Variants in SETX observed in about 807,000 individuals in gnomAD.
SETX encodes senataxin.
SETX carries 90 observed loss-of-function variants against 227.2 expected under a neutral mutation model. That is an observed-to-expected ratio of 0.40 (90% CI 0.33 to 0.47). The LOEUF is 0.47. Ranked by LOEUF, SETX falls within the 20% of genes least tolerant of loss-of-function variation. SETX has a pLI of 0.91. For missense variants in SETX, 3,052 were observed against 3,181.5 expected, an observed-to-expected ratio of 0.96 and a Z score of 0.98; for synonymous variants, 1,210 against 1,113.2, an observed-to-expected ratio of 1.09 and a Z score of -1.73.
upstream of SETX, among the ~76,000 whole-genome samples, chr9:132,355,658 A>G (rs140110981): frequency 1.8e-3 from 278 of 151,720 alleles, 3 homozygotes; most frequent in Admixed American, 0.013. Flanking sequence ...TGTGCAACAT[A>G]GCGAGACACC....
Position 132,327,370 on chromosome 9 carries a change from T to C in SETX, c.4228A>G (p.Arg1410Gly), listed in dbSNP as rs1475831818. 4 of 1,614,268 alleles carry C rather than the reference T, an allele frequency of 2.5e-6. No homozygotes were observed. In the African/African-American group the frequency reaches 4.0e-5, roughly 16 times the overall value. The stretch of plus-strand genomic sequence containing the variant: ...GGCATGCATTTTATTAACTGTTTTC[T>C]GTTACTGTTGGCAAGTACCTCAGTT... ...GGTEVLANSN[R>G]KQLIKCMPSE... Residue 1410 changes from arginine (R) to glycine (G), a missense_variant, in exon 10 of 26, where the codon AGA (arginine) becomes GGA (glycine). Arg to Gly is a moderately radical substitution (Grantham distance 125). Transcript: ENST00000224140.
Position 132,354,957 on chromosome 9 carries a change from C to CG in SETX, c.-156dup, listed in dbSNP as rs1848831790. 1 of 152,268 alleles carries CG rather than the reference C, an allele frequency of 6.6e-6. No individual in the cohort carries two copies. Among genetic ancestry groups the CG allele is most frequent in the African/African-American group, 2.4e-5 (1 of 41,464 alleles). 9.4% of individuals were successfully genotyped at this position (152,268 alleles called of 1,614,324 possible). On this transcript the variant is annotated 5_prime_UTR_variant, in exon 1 of 26. Transcript: ENST00000224140. ...GTCGGCCTCTAGCCCACCTCCATAC[C>CG]GGGCCCCGCTCTAGGCCACCAGCGG...
intron 11 of SETX, among the ~76,000 whole-genome samples, chr9:132,303,465 G>GT (rs768753007): frequency 2.0e-5 from 3 of 150,222 alleles, no homozygotes; most frequent in Non-Finnish European, 4.4e-5. Context: ...GGAGAAAACT[G>GT]TGACCGTGGG....
At chr9:132,321,020 C>T (rs1252659657) in intron 10 of SETX, among the ~76,000 whole-genome samples, 2 of 151,832 alleles carry the variant, frequency 1.3e-5, no homozygotes, top group African/African-American at 2.4e-5. Context: ...AGAGGATAAG[C>T]AGTCTCTGAC....
chr9:132,317,969 T>G (rs959989809), intron 10 of SETX, among the ~76,000 whole-genome samples: 3 of 152,236 alleles, frequency 2.0e-5, no homozygotes, highest in Non-Finnish European at 4.4e-5. Flanking sequence ...AAGAAAATCT[T>G]GGTCTTAATT....
intron 11 of SETX, among the ~76,000 whole-genome samples, chr9:132,306,784 A>G (rs538686852): frequency 3.9e-4 from 59 of 152,214 alleles, no homozygotes; most frequent in Non-Finnish European, 6.8e-4. Flanking sequence ...ATATGTGATC[A>G]TAACACAGCA....
At chr9:132,298,027 G>T in intron 13 of SETX, 53 bp downstream of exon 13, 5 of 1,452,310 alleles carry the variant, frequency 3.4e-6, no homozygotes, top group Non-Finnish European at 4.8e-6. Context: ...TAAAAAATAT[G>T]ATGCTTTAAC....
intron 4 of SETX, among the ~76,000 whole-genome samples, chr9:132,344,794 G>A (rs1248633998): frequency 4.0e-5 from 6 of 149,914 alleles, no homozygotes. Flanking sequence ...AGAATCGCTT[G>A]AACCCAGGAG....
At chr9:132,330,989 C>T (rs1847187880) in intron 9 of SETX, 63 bp downstream of exon 9, 1 of 1,284,314 alleles carries the variant, frequency 7.8e-7, no homozygotes. Context: ...ACAAATTATA[C>T]AAAATAGTCT....
chr9:132,349,875 G>C (rs1848513539), intron 2 of SETX, among the ~76,000 whole-genome samples: 1 of 152,112 alleles, frequency 6.6e-6, no homozygotes, highest in Admixed American at 6.5e-5. Flanking sequence ...CACCCTCAAA[G>C]AGATCTAAAA....
intron 3 of SETX, among the ~76,000 whole-genome samples, chr9:132,347,415 C>T (rs1367937429): frequency 6.6e-6 from 1 of 151,648 alleles, no homozygotes; most frequent in African/African-American, 2.4e-5. Context: ...CAGGTTCAAG[C>T]GATTCTCCTG....
At chr9:132,336,249 G>T in intron 6 of SETX, 47 bp downstream of exon 6, 2 of 1,508,928 alleles carry the variant, frequency 1.3e-6, no homozygotes, top group South Asian at 1.1e-5. Flanking sequence ...TCAAAAAACA[G>T]AACTATACGA....
At chr9:132,355,287 T>C (rs1362336719), upstream of SETX, among the ~76,000 whole-genome samples, 2 of 152,184 alleles carry the variant, frequency 1.3e-5, no homozygotes, top group Admixed American at 1.3e-4. Context: ...GGCTCCGGGA[T>C]GAGCTCTGCT....
At chr9:132,314,835 C>CT (rs559792610) in intron 10 of SETX, among the ~76,000 whole-genome samples, 57 of 139,676 alleles carry the variant, frequency 4.1e-4, no homozygotes, top group African/African-American at 1.4e-3. Flanking sequence ...AATGAGGTTT[C>CT]TTTTTTGTGT....
At chr9:132,310,668 T>C (rs1486137502) in intron 11 of SETX, among the ~76,000 whole-genome samples, 1 of 152,218 alleles carries the variant, frequency 6.6e-6, no homozygotes, top group African/African-American at 2.4e-5. Context: ...TCTTTCTGCT[T>C]TGTGGCTATT....
intron 25 of SETX, among the ~76,000 whole-genome samples, chr9:132,266,417 A>C (rs1382925235): frequency 6.6e-6 from 1 of 152,232 alleles, no homozygotes; most frequent in Non-Finnish European, 1.5e-5. Flanking sequence ...CCATTTAAAA[A>C]TAATGCCTGA....
intron 21 of SETX, among the ~76,000 whole-genome samples, chr9:132,277,842 T>A (rs893942584): frequency 6.6e-6 from 1 of 151,446 alleles, no homozygotes; most frequent in African/African-American, 2.4e-5. Flanking sequence ...TACCAAAATG[T>A]TACCAGTGAT....
intron 23 of SETX, among the ~76,000 whole-genome samples, chr9:132,272,166 G>T (rs186520791): frequency 2.6e-5 from 4 of 151,838 alleles, no homozygotes; most frequent in Non-Finnish European, 5.9e-5. Context: ...CACCGCGTCC[G>T]GCTTAGTTTT....
chr9:132,271,290 G>A lies in SETX; in HGVS notation c.7199+420C>T, dbSNP rs139220841. On this transcript the variant is annotated intron_variant, in intron 24 of 25. Transcript: ENST00000224140. ...AATATAAAAGACACCAAGGCCGGGC[G>A]CAGTGACTCACGCCTGTAATCCCAG... 2.1e-3 allele frequency among the ~76,000 whole-genome samples: 316 copies of A among 152,304 alleles called. 1 individual carries two copies. Among genetic ancestry groups the A allele is most frequent in the African/African-American group, 7.0e-3 (290 of 41,552 alleles).
Sources: allele counts gnomAD v4.1 joint callset (sites outside exome capture counted in the v4.1 genomes callset), GRCh38; gene constraint gnomAD v4.1.1; transcripts MANE v1.5; gene names NCBI Gene and HGNC (gene_info 2026-07-23, HGNC 2026-07-21).